The following CYP3A5 variants were observed in gnomAD, a reference collection of about 807,000 sequenced individuals.
The protein encoded by CYP3A5 is cytochrome P450 3A5.
Under a neutral mutation model 55.9 loss-of-function variants are expected in CYP3A5, and 51 were observed. That is an observed-to-expected ratio of 0.91 (90% CI 0.73 to 1.15). CYP3A5 has a LOEUF of 1.15. CYP3A5 is among the 50% of genes most tolerant of loss of function. The pLI is 0.00. For missense variants in CYP3A5, 533 were observed against 596.6 expected (o/e 0.89, Z 1.11); for synonymous variants, 196 against 213.9 (o/e 0.92, Z 0.73).
Position 99,660,516 on chromosome 7 carries a change from C to T in CYP3A5, c.1009G>A (p.Ala337Thr), listed in dbSNP as rs28383479. The T allele has an allele frequency of 3.1e-6, 5 of 1,612,642 alleles. No homozygotes were observed. In the East Asian group the frequency reaches 8.9e-5, roughly 29 times the overall value. The change falls in exon 10 of 13, where the codon GCA becomes ACA. Residue 337 changes from alanine to threonine, a missense_variant. By Grantham distance (58) the Ala-to-Thr change is moderately conservative. Coordinates refer to ENST00000222982, the MANE Select transcript of CYP3A5 (RefSeq NM_000777.5). ...VQQKLQKEID[A>T]VLPNKAPPTY... ...CCCCTCACCTTATTGGGCAAAACTG[C>T]ATCAATCTCCTTTTGCAGTTTCTGC... is the stretch of plus-strand genomic sequence containing the variant.
rs1463517926 is a variant in CYP3A5 at position 99,674,585 on chromosome 7, C to A, written c.166G>T (p.Gly56Cys). ...CACTCTGTGTCAAATTTCCAGAGAC[C>A]CTGGGAGAGGAAACAAAATACAAGT... ...LLGNVLSYRQ[G>C]LWKFDTECYK... Residue 56 changes from glycine to cysteine, a missense_variant and splice_region_variant, in exon 3 of 13, where the codon GGT (glycine) becomes TGT (cysteine). Gly to Cys is a radical substitution (Grantham distance 159). Transcript: ENST00000222982. 2 of 1,612,516 alleles carry A rather than the reference C, an allele frequency of 1.2e-6. No individual in the cohort carries two copies. The highest frequency in any genetic ancestry group is 1.7e-6 in the Non-Finnish European group (2 of 1,178,944).
At chr7:99,675,411 A>G (rs1370252764) in intron 2 of CYP3A5, among the ~76,000 whole-genome samples, 2 of 152,072 alleles carry the variant, frequency 1.3e-5, no homozygotes, top group Non-Finnish European at 2.9e-5. Context: ...TAGAATTCTC[A>G]GATAGTAATC....
intron 10 of CYP3A5, 60 bp downstream of exon 10, chr7:99,660,439 A>G: frequency 6.6e-7 from 1 of 1,524,234 alleles, no homozygotes; most frequent in Admixed American, 2.2e-5. Context: ...GGGAGTGGTG[A>G]GGAGGCATTT....
chr7:99,657,338 G>T (rs1294438347), intron 10 of CYP3A5, among the ~76,000 whole-genome samples: 1 of 152,064 alleles, frequency 6.6e-6, no homozygotes, highest in Non-Finnish European at 1.5e-5. Flanking sequence ...ATTTCGTTAT[G>T]TACCCAGTAG....
chr7:99,664,065 T>TC lies in CYP3A5; in HGVS notation c.700dup (p.Glu234GlyfsTer18). 3.1e-6 allele frequency: 5 copies of TC among 1,594,378 alleles called. No homozygotes were observed. The highest frequency in any genetic ancestry group is 1.9e-5 in the Admixed American group (1 of 53,674). ...TGGAAACAGAGAGACATTTAATGCT[T>TC]CAAAAACTGGGGTAAGGAATGGAAA... On this transcript the variant is annotated frameshift_variant, in exon 8 of 13. Transcript: ENST00000222982. LOFTEE classifies it high-confidence loss of function.
chr7:99,650,290 T>C (rs1290838203), intron 11 of CYP3A5, 58 bp from the exon 12 acceptor site: 14 of 1,541,952 alleles, frequency 9.1e-6, no homozygotes, highest in African/African-American at 1.4e-5. Flanking sequence ...CAGAGTTACA[T>C]GTTAGGGGTT....
chr7:99,669,395 A>G (rs1811359901), intron 4 of CYP3A5, among the ~76,000 whole-genome samples: 1 of 152,242 alleles, frequency 6.6e-6, no homozygotes, highest in Non-Finnish European at 1.5e-5. Flanking sequence ...ACTCGGACTC[A>G]ATCGTAAGGT....
At chr7:99,672,826 T>C in intron 3 of CYP3A5, 147 bp from the exon 4 acceptor site, 1 of 1,475,928 alleles carries the variant, frequency 6.8e-7, no homozygotes, top group South Asian at 1.4e-5. Flanking sequence ...TCTAGTTCAT[T>C]AGGGTGTGAC....
rs1584471449 is a variant in CYP3A5 at position 99,674,360 on chromosome 7, T to C, written c.218+173A>G. 5.3e-5 allele frequency: 26 copies of C among 494,550 alleles called. No individual in the cohort carries two copies. In the East Asian group the frequency reaches 8.2e-4, roughly 16 times the overall value. 30.6% of individuals were successfully genotyped at this position (494,550 alleles called of 1,614,324 possible). A position where few individuals can be genotyped will look rare whatever the true frequency, so the allele number is the denominator to read the frequency against. On this transcript the variant is annotated intron_variant, in intron 3 of 12. Transcript: ENST00000222982. ...GTTTATAACGGCAAGCAGATTCCCA[T>C]TGCAATATTCTACTCCCAAGTAATT...
chr7:99,651,216 C>A (rs1193163456), intron 11 of CYP3A5, among the ~76,000 whole-genome samples: 1 of 151,980 alleles, frequency 6.6e-6, no homozygotes. Context: ...AGGCTGGTGT[C>A]GGTAACATGT....
At position 99,664,039 on chromosome 7, in the gene CYP3A5, T is replaced by C. The variant is rs1251035592; in HGVS notation, c.727A>G (p.Lys243Glu). 3 of 1,601,356 alleles carry C rather than the reference T, an allele frequency of 1.9e-6. No homozygotes were observed. The highest frequency in any genetic ancestry group is 2.5e-6 in the Non-Finnish European group (3 of 1,177,318). ...TTACTTAAAAAATTTATGGTATCTTTTGGAAACAGAGAGACATTTAATGCT... is the reference window on the plus strand; with the variant it reads ...TTACTTAAAAAATTTATGGTATCTTCTGGAAACAGAGAGACATTTAATGCT... ...FEALNVSLFP[K>E]DTINFLSKSV... Residue 243 changes from lysine to glutamate, a missense_variant, in exon 8 of 13, where the codon AAA (lysine) becomes GAA (glutamate). By Grantham distance (56) the Lys-to-Glu change is moderately conservative. Coordinates refer to ENST00000222982, the MANE Select transcript of CYP3A5 (RefSeq NM_000777.5).
intron 4 of CYP3A5, among the ~76,000 whole-genome samples, chr7:99,667,884 TA>T (rs1201220789): frequency 2.0e-5 from 3 of 152,090 alleles, no homozygotes; most frequent in African/African-American, 7.2e-5. Flanking sequence ...CAAGAAGAAC[TA>T]AAAAATGCCC....
intron 10 of CYP3A5, chr7:99,659,060 C>T (rs992558111): frequency 3.3e-5 from 5 of 152,202 alleles, no homozygotes; most frequent in Admixed American, 3.3e-4. Flanking sequence ...GTTTGATCGT[C>T]TGAAGCCTTC....
At chr7:99,660,806 T>C (rs1245411539) in intron 9 of CYP3A5, 147 bp from the exon 10 acceptor site, 1 of 928,260 alleles carries the variant, frequency 1.1e-6, no homozygotes, top group Admixed American at 2.7e-5. Context: ...TTCATTCTGA[T>C]ATGTATCTTA....
Position 99,664,019 on chromosome 7 carries a change from TA to T in CYP3A5, c.746del (p.Leu249Ter). 1.3e-6 allele frequency: 2 copies of T among 1,599,604 alleles called. No homozygotes were observed. The highest frequency in any genetic ancestry group is 1.7e-6 in the Non-Finnish European group (2 of 1,176,816). ...TCTTCATTCTGTTTACAGATTTACT[TA>T]AAAAATTTATGGTATCTTTTGGAAA... Reference protein sequence around the residue: ...SLFPKDTINFLSKSVNRMKKS... With the variant: ...SLFPKDTINFXSKSVNRMKKS... On this transcript the variant is annotated frameshift_variant, in exon 8 of 13. Coordinates refer to ENST00000222982, the MANE Select transcript of CYP3A5 (RefSeq NM_000777.5). LOFTEE classifies it high-confidence loss of function.
Position 99,679,963 on chromosome 7 carries a change from G to T in CYP3A5, c.-67C>A. 7.0e-7 allele frequency: 1 copy of T among 1,429,168 alleles called. No homozygotes were observed. The highest frequency in any genetic ancestry group is 9.9e-7 in the Non-Finnish European group (1 of 1,011,914). 88.5% of individuals were successfully genotyped at this position (1,429,168 alleles called of 1,614,324 possible). ...TTAGCTGAGTGCTGCTGTTTGCTGG[G>T]CTGTTTGCCTGGAGCTTCCCTGCCC... On this transcript the variant is annotated 5_prime_UTR_variant, in exon 1 of 13. Transcript: ENST00000222982.
intron 7 of CYP3A5, among the ~76,000 whole-genome samples, chr7:99,664,700 C>T (rs1810801887): frequency 6.6e-6 from 1 of 152,074 alleles, no homozygotes; most frequent in South Asian, 2.1e-4. Context: ...AAATTTATAG[C>T]TGTAATATCT....
At chr7:99,666,474 G>C in intron 6 of CYP3A5, 127 bp downstream of exon 6, 7 of 1,018,318 alleles carry the variant, frequency 6.9e-6, no homozygotes, top group Non-Finnish European at 1.1e-5. Context: ...TGGCTCTTTG[G>C]AGTTGCAGCG....
In CYP3A5 at chr7:99,660,264, A is replaced by G. The variant is rs934039111; in HGVS notation, c.1026+235T>C. The G allele has an allele frequency of 7.5e-6, 7 of 932,958 alleles. No individual in the cohort carries two copies. The African/African-American group carries it at 1.1e-4, about 14-fold the overall frequency. The allele number at this position is 932,958 out of a possible 1,614,324, so 57.8% of individuals were successfully genotyped here. A position where few individuals can be genotyped will look rare whatever the true frequency, so the allele number is the denominator to read the frequency against. On this transcript the variant is annotated intron_variant, in intron 10 of 12. Coordinates refer to ENST00000222982, the MANE Select transcript of CYP3A5 (RefSeq NM_000777.5). ...TTTTTTTACTTAGCATTATTGTGAT[A>G]ACAGTAAACAGGTGAACCAGGGCCA...
Sources: gnomAD v4.1 joint callset for allele counts (sites outside exome capture counted in the v4.1 genomes callset) on GRCh38, gnomAD v4.1.1 for gene constraint, MANE v1.5 for transcripts, NCBI Gene and HGNC (gene_info 2026-07-23, HGNC 2026-07-21) for gene names.